The following DIAPH2 variants were observed in gnomAD, a reference collection of about 807,000 sequenced individuals.
DIAPH2 encodes the protein diaphanous related formin 2.
A neutral mutation model predicts 92.7 loss-of-function variants in DIAPH2; 35 were observed. The ratio of observed to expected loss-of-function variants is 0.38; its 90% CI spans 0.29 to 0.50. The LOEUF is 0.50. Ranked by LOEUF, DIAPH2 falls within the 20% of genes least tolerant of loss-of-function variation. The probability of loss-of-function intolerance (pLI) is 0.94; values close to 1 mark genes in which losing one functional copy is unlikely to be tolerated. For missense variants in DIAPH2, 701 were observed against 819.5 expected, an observed-to-expected ratio of 0.86 and a Z score of 1.77; for synonymous variants, 301 against 280.4, an observed-to-expected ratio of 1.07 and a Z score of -0.73.
intron 17 of DIAPH2, among the ~76,000 whole-genome samples, chrX:97,002,299 T>C (rs976810239): frequency 9.0e-6 from 1 of 111,041 alleles, no homozygotes; most frequent in African/African-American, 3.3e-5. Context: ...TATATATATA[T>C]ATACATATAT....
intron 22 of DIAPH2, among the ~76,000 whole-genome samples, chrX:97,176,315 C>T (rs184513204): frequency 9.0e-6 from 1 of 111,427 alleles, no homozygotes; most frequent in African/African-American, 3.3e-5. Context: ...TATATCTTTA[C>T]TCTTTCTCTT....
At chrX:97,436,755 A>G (rs1175096838) in intron 26 of DIAPH2, among the ~76,000 whole-genome samples, 1 of 111,182 alleles carries the variant, frequency 9.0e-6, no homozygotes, top group Non-Finnish European at 1.9e-5. Context: ...TTTCACAGAA[A>G]CAAGCAAACA....
At chrX:97,270,290 C>A (rs2068375787) in intron 23 of DIAPH2, among the ~76,000 whole-genome samples, 1 of 111,472 alleles carries the variant, frequency 9.0e-6, no homozygotes, top group African/African-American at 3.3e-5. Context: ...TCTCGAACTC[C>A]TGACCTCAGG....
chrX:96,691,943 T>A (rs1381241810), intron 1 of DIAPH2, among the ~76,000 whole-genome samples: 1 of 112,135 alleles, frequency 8.9e-6, no homozygotes, highest in Non-Finnish European at 1.9e-5. Flanking sequence ...CAATCCTTTT[T>A]AAAAAATCTA....
chrX:96,978,189 C>A (rs1170114041), intron 17 of DIAPH2, among the ~76,000 whole-genome samples: 1 of 111,436 alleles, frequency 9.0e-6, no homozygotes, highest in East Asian at 2.8e-4. Context: ...TAGAGAGGTT[C>A]AAATCTGGTA....
intron 22 of DIAPH2, among the ~76,000 whole-genome samples, chrX:97,162,017 G>A (rs1221814600): frequency 1.8e-5 from 2 of 111,079 alleles, no homozygotes; most frequent in South Asian, 3.9e-4. Flanking sequence ...GCATCTCTTA[G>A]TATCTCTTTA....
chrX:96,851,825 AAAATT>A (rs1205548305), intron 4 of DIAPH2, among the ~76,000 whole-genome samples: 1 of 112,562 alleles, frequency 8.9e-6, no homozygotes, highest in Non-Finnish European at 1.9e-5. Flanking sequence ...GTTTAAAGTG[AAAATT>A]AAATTAACTA....
At chrX:97,185,172 C>T (rs6615892) in intron 22 of DIAPH2, among the ~76,000 whole-genome samples, 27,616 of 93,013 alleles carry the variant, frequency 0.3, 4,229 homozygotes, top group East Asian at 0.57. Context: ...TATAGGCACC[C>T]GTCACCAATC....
At chrX:97,251,464 A>G (rs1041301564) in intron 23 of DIAPH2, among the ~76,000 whole-genome samples, 5 of 105,216 alleles carry the variant, frequency 4.8e-5, no homozygotes, top group African/African-American at 1.8e-4. Flanking sequence ...ACGGAGCCTC[A>G]CTCTGTAACC....
At chrX:97,324,686 A>G (rs1426381415) in intron 23 of DIAPH2, among the ~76,000 whole-genome samples, 3 of 112,314 alleles carry the variant, frequency 2.7e-5, no homozygotes, top group South Asian at 3.7e-4. Flanking sequence ...AAATGTATCA[A>G]TGCCTACAGG....
At chrX:97,542,411 T>A (rs1179500753) in intron 26 of DIAPH2, among the ~76,000 whole-genome samples, 1 of 112,228 alleles carries the variant, frequency 8.9e-6, no homozygotes, top group Non-Finnish European at 1.9e-5. Context: ...AATTCCACAC[T>A]AAAGTATTTG....
At chrX:97,467,302 A>C (rs1179141625) in intron 26 of DIAPH2, among the ~76,000 whole-genome samples, 1 of 112,384 alleles carries the variant, frequency 8.9e-6, no homozygotes, top group Non-Finnish European at 1.9e-5. Flanking sequence ...GTTTCTAGAA[A>C]ACTAGTCATA....
intron 10 of DIAPH2, among the ~76,000 whole-genome samples, chrX:96,933,948 C>T (rs1000083141): frequency 5.5e-5 from 6 of 109,789 alleles, no homozygotes; most frequent in African/African-American, 1.3e-4. Flanking sequence ...GACAGGGTTT[C>T]GCCATGTTGG....
intron 4 of DIAPH2, among the ~76,000 whole-genome samples, chrX:96,814,607 C>T (rs1041851085): frequency 1.8e-5 from 2 of 112,081 alleles, no homozygotes; most frequent in South Asian, 7.5e-4. Context: ...AGAAGAAGCG[C>T]TCTGGTTTTT....
chrX:97,417,183 C>G (rs2069955947), intron 25 of DIAPH2, among the ~76,000 whole-genome samples: 2 of 111,769 alleles, frequency 1.8e-5, no homozygotes, highest in Admixed American at 9.5e-5. Context: ...GGTGAGACTT[C>G]TCAATAAACT....
chrX:96,737,295 A>G (rs2064093793), intron 2 of DIAPH2, among the ~76,000 whole-genome samples: 1 of 112,113 alleles, frequency 8.9e-6, no homozygotes, highest in Admixed American at 9.5e-5. Flanking sequence ...AACTGCTCAT[A>G]TTTCTTTCAA....
intron 12 of DIAPH2, among the ~76,000 whole-genome samples, 164 bp downstream of exon 12, chrX:96,939,546 G>A (rs768766264): frequency 0.019 from 1,271 of 67,703 alleles, 29 homozygotes; most frequent in Middle Eastern, 0.046. Flanking sequence ...ATATATGTAT[G>A]TATATATGTA....
chrX:96,725,713 C>T (rs1204473033), intron 1 of DIAPH2, among the ~76,000 whole-genome samples: 5 of 111,950 alleles, frequency 4.5e-5, no homozygotes, highest in African/African-American at 1.6e-4. Flanking sequence ...AAATTCAAGA[C>T]CATCAGTTAA....
At chrX:96,955,922 A>G (rs1164621200) in intron 15 of DIAPH2, among the ~76,000 whole-genome samples, 1 of 112,100 alleles carries the variant, frequency 8.9e-6, no homozygotes, top group Non-Finnish European at 1.9e-5. Flanking sequence ...CCATCAGTAG[A>G]TCTGTCATTC....
Sources: allele counts gnomAD v4.1 joint callset (sites outside exome capture counted in the v4.1 genomes callset), GRCh38; gene constraint gnomAD v4.1.1; transcripts MANE v1.5; gene names NCBI Gene and HGNC (gene_info 2026-07-23, HGNC 2026-07-21).